EBF2: variants seen among roughly 807,000 people sequenced by gnomAD.
The protein encoded by EBF2 is EBF transcription factor 2, also known as transcription factor COE2.
A neutral mutation model predicts 72.8 loss-of-function variants in EBF2; 21 were observed. The ratio of observed to expected loss-of-function variants is 0.29; its 90% confidence interval spans 0.20 to 0.42. The LOEUF is 0.42. Among genes scored for constraint, EBF2 ranks in the 10% least tolerant of loss-of-function variants. The pLI, the probability that EBF2 is intolerant of heterozygous loss-of-function variation, is 1.00. For missense variants in EBF2, 637 were observed against 731.2 expected (o/e 0.87, Z 1.49); for synonymous variants, 299 against 274.2 (o/e 1.09, Z -0.89).
chr8:25,990,778 C>T (rs1247985828), intron 6 of EBF2, among the ~76,000 whole-genome samples: 2 of 152,238 alleles, frequency 1.3e-5, no homozygotes, highest in African/African-American at 2.4e-5. Flanking sequence ...TTTGAGCCAA[C>T]TCAGTACCTT....
intron 6 of EBF2, among the ~76,000 whole-genome samples, chr8:26,015,644 T>C (rs1805099047): frequency 6.6e-6 from 1 of 152,260 alleles, no homozygotes; most frequent in Non-Finnish European, 1.5e-5. Flanking sequence ...ATGATATTTA[T>C]TAATGCTCCA....
intron 6 of EBF2, among the ~76,000 whole-genome samples, chr8:26,005,051 G>A (rs951882510): frequency 6.7e-6 from 1 of 149,746 alleles, no homozygotes; most frequent in African/African-American, 2.5e-5. Flanking sequence ...ACAAAGGGAA[G>A]AACCACTTGC....
chr8:26,044,843 T>A lies in EBF2; in HGVS notation c.17A>T (p.Asp6Val). The change falls in exon 1 of 16, where the codon GAT (aspartate) becomes GTT (valine). Residue 6 changes from aspartate (D) to valine (V), a missense_variant. Physicochemically the swap from Asp to Val is radical, Grantham distance 152 (BLOSUM62 -3). This residue lies in a region of EBF2 where 174 missense variants were observed against 161.9 expected (regional missense o/e 1.07). Transcript: ENST00000520164. This position sits in a 1 kb window ranked among gnomAD's most constrained non-coding sequence, Gnocchi z 4.1. ...CAGAGTTGGTCCTCTTCCTAAAGTA[T>A]CTTGAATTCCAAACATTTAAAAAGT... Reference protein sequence around the residue: MFGIQDTLGRGPTLKE... With the variant: MFGIQVTLGRGPTLKE... The A allele has an allele frequency of 6.2e-7, 1 of 1,614,096 alleles. No homozygotes were observed.
chr8:25,866,577 TATA>T lies in EBF2; in HGVS notation c.1010-3783_1010-3781del, dbSNP rs955378991. 5.5e-4 allele frequency among the ~76,000 whole-genome samples: 77 copies of T among 140,400 alleles called. No individual in the cohort carries two copies. The East Asian group carries it at 7.1e-3, about 13-fold the overall frequency. The allele number at this position is 140,400 out of a possible 152,430, so 92.1% of individuals were successfully genotyped here. On this transcript the variant is annotated intron_variant, in intron 10 of 15. Coordinates refer to ENST00000520164, the MANE Select transcript of EBF2 (RefSeq NM_022659.4). ...TTTTATGTATTATATAATTTATATA[TATA>T]ATAATTTTTATATAATATAATATAA... is the stretch of plus-strand genomic sequence containing the variant.
chr8:25,920,518 C>T (rs2117133950), intron 6 of EBF2, among the ~76,000 whole-genome samples: 1 of 152,302 alleles, frequency 6.6e-6, no homozygotes, highest in Admixed American at 6.5e-5. Flanking sequence ...CTATTTTCTT[C>T]AGCTTTGCCT....
chr8:26,006,860 C>T (rs960332171), intron 6 of EBF2, among the ~76,000 whole-genome samples: 4 of 152,150 alleles, frequency 2.6e-5, no homozygotes, highest in Admixed American at 2.0e-4. Context: ...ACAGCAGGAC[C>T]CACTTGATTC....
intron 7 of EBF2, among the ~76,000 whole-genome samples, chr8:25,891,309 A>G (rs890639721): frequency 6.6e-6 from 1 of 152,152 alleles, no homozygotes; most frequent in African/African-American, 2.4e-5. Context: ...CACTTGACCC[A>G]GAAGACGAAC....
intron 6 of EBF2, among the ~76,000 whole-genome samples, chr8:25,918,887 C>A (rs1490145842): frequency 6.6e-6 from 1 of 152,122 alleles, no homozygotes; most frequent in Admixed American, 6.5e-5. Flanking sequence ...ATTAAAGTAA[C>A]CGTATGTTGT....
Position 25,939,429 on chromosome 8 carries a change from G to A in EBF2, c.552-30874C>T, listed in dbSNP as rs150788644. On this transcript the variant is annotated intron_variant, in intron 6 of 15. Coordinates refer to ENST00000520164, the MANE Select transcript of EBF2 (RefSeq NM_022659.4). Reference sequence around the variant, plus strand: ...GTGTGTGTTTTGCATTTGTGTTTGCGTCCGTGTGTGTTTGTGTGTGCACTA... The same window carrying A: ...GTGTGTGTTTTGCATTTGTGTTTGCATCCGTGTGTGTTTGTGTGTGCACTA... Among the ~76,000 whole-genome samples the A allele has an allele frequency of 7.7e-4, 117 of 152,246 alleles. 1 individual carries two copies. Among genetic ancestry groups the A allele is most frequent in the Middle Eastern group, 3.4e-3 (1 of 294 alleles).
At chr8:25,936,744 T>C (rs1803586224) in intron 6 of EBF2, among the ~76,000 whole-genome samples, 1 of 152,234 alleles carries the variant, frequency 6.6e-6, no homozygotes, top group African/African-American at 2.4e-5. Flanking sequence ...GTAGTTATTT[T>C]CTGAGAAATG....
At chr8:25,938,376 A>G (rs1051140706) in intron 6 of EBF2, among the ~76,000 whole-genome samples, 5 of 139,656 alleles carry the variant, frequency 3.6e-5, no homozygotes, top group African/African-American at 1.5e-4. Flanking sequence ...TCTTACTTTG[A>G]AAAAAAAAAA....
intron 5 of EBF2, 56 bp downstream of exon 5, chr8:26,039,972 C>A: frequency 6.3e-7 from 1 of 1,585,946 alleles, no homozygotes; most frequent in East Asian, 2.3e-5. Context: ...CGCGCCAAGG[C>A]GGGGCTGGAG....
chr8:25,953,113 C>T (rs1803891288), intron 6 of EBF2, among the ~76,000 whole-genome samples: 1 of 152,212 alleles, frequency 6.6e-6, no homozygotes, highest in Admixed American at 6.5e-5. Flanking sequence ...GAGTAGGGGC[C>T]CCTGTTCTGT....
Position 25,841,791 on chromosome 8 carries a change from A to T in EBF2, c.*2818T>A, listed in dbSNP as rs1363163720. ...TAAAGTTTAAAACTGAAGTAGACATATTCATTTTACAAACAAGATATTCTT... is the reference window on the plus strand; with the variant it reads ...TAAAGTTTAAAACTGAAGTAGACATTTTCATTTTACAAACAAGATATTCTT... On this transcript the variant is annotated 3_prime_UTR_variant, in exon 16 of 16. Transcript: ENST00000520164. 6.6e-6 allele frequency: 1 copy of T among 152,228 alleles called. No individual in the cohort carries two copies. The highest frequency in any genetic ancestry group is 1.5e-5 in the Non-Finnish European group (1 of 68,038). The allele number at this position is 152,228 out of a possible 1,614,324, so 9.4% of individuals were successfully genotyped here.
chr8:26,021,284 A>G (rs551927709), intron 6 of EBF2, among the ~76,000 whole-genome samples: 13 of 152,350 alleles, frequency 8.5e-5, no homozygotes, highest in African/African-American at 2.9e-4. Context: ...ATGGATCCCA[A>G]TAATGCTTTC....
intron 10 of EBF2, 74 bp downstream of exon 10, chr8:25,886,681 A>G: frequency 1.4e-6 from 2 of 1,477,352 alleles, no homozygotes; most frequent in Admixed American, 2.2e-5. Flanking sequence ...GGACGATTAC[A>G]AAGTGCAGAT....
Position 25,842,555 on chromosome 8 carries a change from C to T in EBF2, c.*2054G>A, listed in dbSNP as rs188776437. On this transcript the variant is annotated 3_prime_UTR_variant, in exon 16 of 16. Transcript: ENST00000520164. ...TGGAAGGTAACATTCATATTCCACACATTCTTCCCCTTCCATCAATCAGGT... is the reference window on the plus strand; with the variant it reads ...TGGAAGGTAACATTCATATTCCACATATTCTTCCCCTTCCATCAATCAGGT... 6.6e-6 allele frequency: 1 copy of T among 152,330 alleles called. No homozygotes were observed. The highest frequency in any genetic ancestry group is 2.4e-5 in the African/African-American group (1 of 41,580). The allele number at this position is 152,330 out of a possible 1,614,324, so 9.4% of individuals were successfully genotyped here.
At chr8:25,899,467 G>A (rs1466767046) in intron 7 of EBF2, among the ~76,000 whole-genome samples, 1 of 152,178 alleles carries the variant, frequency 6.6e-6, no homozygotes, top group African/African-American at 2.4e-5. Flanking sequence ...GATGTGAACT[G>A]AAGAAACCTG....
intron 6 of EBF2, among the ~76,000 whole-genome samples, chr8:26,020,711 T>C (rs1247379986): frequency 6.6e-6 from 1 of 151,746 alleles, no homozygotes; most frequent in African/African-American, 2.4e-5. Flanking sequence ...CTGTCCCTTT[T>C]GCTATGTAGG....
Sources: gnomAD v4.1 joint callset for allele counts (sites outside exome capture counted in the v4.1 genomes callset) on GRCh38, gnomAD v4.1.1 for gene constraint, gnomAD v4.1.1 regional missense constraint, Gnocchi (gnomAD v3.1) non-coding constraint, MANE v1.5 for transcripts, NCBI Gene and HGNC (gene_info 2026-07-23, HGNC 2026-07-21) for gene names.